Variants in TBXAS1 observed in about 807,000 individuals in gnomAD.
TBXAS1 encodes the protein thromboxane-A synthase.
In TBXAS1, 48 loss-of-function variants were observed where a neutral mutation model predicts 60.7. The ratio of observed to expected loss-of-function variants is 0.79; its 90% CI spans 0.63 to 1.01. The LOEUF (loss-of-function observed/expected upper bound fraction) is 1.01. Ranked by LOEUF, TBXAS1 falls within the 50% of genes least tolerant of loss-of-function variation. TBXAS1 has a pLI of 0.00. For missense variants in TBXAS1, 685 were observed against 686.3 expected, an observed-to-expected ratio of 1.00 and a Z score of 0.02; for synonymous variants, 287 against 269.7, an observed-to-expected ratio of 1.06 and a Z score of -0.63.
At chr7:139,918,994 A>G (rs1378955677) in intron 4 of TBXAS1, among the ~76,000 whole-genome samples, 1 of 151,708 alleles carries the variant, frequency 6.6e-6, no homozygotes, top group African/African-American at 2.4e-5. Flanking sequence ...ATTTTTTTAT[A>G]CTCTATTTTT....
chr7:139,936,351 TTTC>T (rs1270851459), intron 5 of TBXAS1, 44 bp downstream of exon 5: 1 of 1,590,326 alleles, frequency 6.3e-7, no homozygotes, highest in South Asian at 1.1e-5. Context: ...ACGGAGCAGG[TTTC>T]TTCTCTCCAA....
intron 4 of TBXAS1, among the ~76,000 whole-genome samples, chr7:139,926,394 A>G (rs999705033): frequency 6.6e-6 from 1 of 152,056 alleles, no homozygotes; most frequent in Non-Finnish European, 1.5e-5. Flanking sequence ...GTGTCTAGGA[A>G]TTTATTTCTT....
At chr7:139,856,158 C>T (rs1389217040) in intron 1 of TBXAS1, among the ~76,000 whole-genome samples, 1 of 152,132 alleles carries the variant, frequency 6.6e-6, no homozygotes, top group Non-Finnish European at 1.5e-5. Flanking sequence ...TCGGGGAGGC[C>T]CAGTCTACTA....
intron 4 of TBXAS1, among the ~76,000 whole-genome samples, chr7:139,799,437 C>T (rs748316506): frequency 4.6e-5 from 7 of 152,066 alleles, no homozygotes; most frequent in Non-Finnish European, 8.8e-5. Flanking sequence ...CAGCGTGTTG[C>T]CCAGGTTGGT....
intron 4 of TBXAS1, among the ~76,000 whole-genome samples, chr7:139,924,572 G>A (rs953781550): frequency 5.9e-5 from 9 of 151,770 alleles, no homozygotes; most frequent in Non-Finnish European, 1.2e-4. Context: ...TGCCAGATGG[G>A]TAGTTTGCAA....
intron 1 of TBXAS1, among the ~76,000 whole-genome samples, chr7:139,854,589 C>T (rs74435536): frequency 2.6e-5 from 4 of 152,086 alleles, no homozygotes; most frequent in Admixed American, 6.5e-5. Flanking sequence ...GGAGAGACGA[C>T]GACCTGATAT....
At chr7:139,930,031 C>T (rs1807187357) in intron 4 of TBXAS1, among the ~76,000 whole-genome samples, 2 of 152,178 alleles carry the variant, frequency 1.3e-5, no homozygotes, top group Admixed American at 1.3e-4. Flanking sequence ...CACACACAGG[C>T]CCCCATGCCC....
rs141555776 is a variant in TBXAS1 at position 139,939,261 on chromosome 7, C to G, written c.450+2954C>G. ...CACCTGTAACCCCAGCTACTCAGGACCCTGAGGCAGGAGAATCGCTTGAAT... is the reference window on the plus strand; with the variant it reads ...CACCTGTAACCCCAGCTACTCAGGAGCCTGAGGCAGGAGAATCGCTTGAAT... On this transcript the variant is annotated intron_variant, in intron 5 of 12. Coordinates refer to ENST00000448866, the MANE Select transcript of TBXAS1 (RefSeq NM_001061.7). Among the ~76,000 whole-genome samples the G allele has an allele frequency of 6.8e-3, 1,029 of 150,622 alleles. 9 individuals are homozygous for G. The highest frequency in any genetic ancestry group is 0.024 in the Middle Eastern group (7 of 286).
chr7:139,910,566 G>T (rs536860519), intron 3 of TBXAS1, among the ~76,000 whole-genome samples: 1 of 152,206 alleles, frequency 6.6e-6, no homozygotes, highest in African/African-American at 2.4e-5. Flanking sequence ...GAACCCGGGA[G>T]GGGGAGGTTG....
intron 1 of TBXAS1, among the ~76,000 whole-genome samples, chr7:139,870,492 T>C (rs971371136): frequency 2.6e-5 from 4 of 152,212 alleles, no homozygotes; most frequent in Non-Finnish European, 5.9e-5. Flanking sequence ...TCCTCTCTGT[T>C]GTAAGGGGAA....
intron 4 of TBXAS1, among the ~76,000 whole-genome samples, chr7:139,930,369 G>A (rs1807220793): frequency 6.6e-6 from 1 of 152,156 alleles, no homozygotes. Flanking sequence ...CACATACCAG[G>A]CACTGAATAA....
chr7:140,014,522 C>A (rs1259168300), intron 10 of TBXAS1, among the ~76,000 whole-genome samples: 1 of 151,958 alleles, frequency 6.6e-6, no homozygotes. Flanking sequence ...GAAGAGCCTG[C>A]CAATGAGGGA....
chr7:139,953,293 A>C (rs1584941028), intron 5 of TBXAS1, 75 bp from the exon 6 acceptor site: 1 of 1,210,392 alleles, frequency 8.3e-7, no homozygotes, highest in Non-Finnish European at 1.2e-6. Flanking sequence ...ACTACATATA[A>C]CCTCTTCATC....
In TBXAS1 at chr7:140,017,652, T is replaced by C. The variant is rs1327012113; in HGVS notation, c.1365-19T>C. On this transcript the variant is annotated intron_variant, in intron 11 of 12. Coordinates refer to ENST00000448866, the MANE Select transcript of TBXAS1 (RefSeq NM_001061.7). The stretch of plus-strand genomic sequence containing the variant: ...GGGAGCGGGTGTTCTGGGCCAGCCC[T>C]GACCACACGGACCTGCAGGTTCACG... 6.2e-7 allele frequency: 1 copy of C among 1,612,078 alleles called. No individual in the cohort carries two copies. The highest frequency in any genetic ancestry group is 8.5e-7 in the Non-Finnish European group (1 of 1,179,522).
chr7:139,833,692 TA>T (rs55979067), intron 1 of TBXAS1, among the ~76,000 whole-genome samples: 14,311 of 148,800 alleles, frequency 0.096, 789 homozygotes, highest in Non-Finnish European at 0.13. Context: ...CTCAAAAAAA[TA>T]AAAAAAAGAG....
At chr7:139,909,283 T>C (rs1805335497) in intron 3 of TBXAS1, among the ~76,000 whole-genome samples, 1 of 152,174 alleles carries the variant, frequency 6.6e-6, no homozygotes, top group African/African-American at 2.4e-5. Context: ...CATTGTATAT[T>C]TGAGAAACAT....
At chr7:139,815,642 C>T (rs554247173) in intron 4 of TBXAS1, among the ~76,000 whole-genome samples, 1 of 152,172 alleles carries the variant, frequency 6.6e-6, no homozygotes, top group Admixed American at 6.5e-5. Flanking sequence ...AGGAACACTT[C>T]TCAGTTCCTG....
intron 3 of TBXAS1, among the ~76,000 whole-genome samples, chr7:139,891,777 C>G (rs1215152900): frequency 2.0e-5 from 3 of 152,146 alleles, no homozygotes; most frequent in Non-Finnish European, 4.4e-5. Flanking sequence ...AAGTACATGT[C>G]TTTCATGTCA....
At chr7:139,865,916 A>C (rs981735970) in intron 1 of TBXAS1, among the ~76,000 whole-genome samples, 3 of 136,236 alleles carry the variant, frequency 2.2e-5, no homozygotes, top group Non-Finnish European at 4.7e-5. Context: ...AAGGAAGGAA[A>C]GAGGGAGGGA....
Sources: gnomAD v4.1 joint callset for allele counts (sites outside exome capture counted in the v4.1 genomes callset) on GRCh38, gnomAD v4.1.1 for gene constraint, MANE v1.5 for transcripts, NCBI Gene and HGNC (gene_info 2026-07-23, HGNC 2026-07-21) for gene names.